Variants in TMEM184A observed in about 807,000 individuals in gnomAD.
The protein encoded by TMEM184A is sexually dimorphic, expressed in male gonads 1.
A neutral mutation model predicts 39.5 loss-of-function variants in TMEM184A; 40 were observed. The ratio of observed to expected loss-of-function variants is 1.01; its 90% confidence interval spans 0.79 to 1.32. The LOEUF (loss-of-function observed/expected upper bound fraction) is 1.32, where lower values mean the gene tolerates loss of function less well. TMEM184A is among the 40% of genes most tolerant of loss of function. The probability of loss-of-function intolerance (pLI) is 0.00; values close to 1 mark genes in which losing one functional copy is unlikely to be tolerated. For synonymous variants in TMEM184A, 280 were observed against 252.3 expected (o/e 1.11, Z -1.04); for missense variants, 603 against 568.8 (o/e 1.06, Z -0.61).
chr7:1,548,943 C>G, intron 6 of TMEM184A: 1 of 641,550 alleles, frequency 1.6e-6, no homozygotes, highest in Non-Finnish European at 2.9e-6. Flanking sequence ...TGCTCCTCCT[C>G]GTCCCAGGAT....
At chr7:1,548,029 G>A (rs1338105418) in intron 7 of TMEM184A, 90 bp from the exon 8 acceptor site, 2 of 1,413,538 alleles carry the variant, frequency 1.4e-6, no homozygotes, top group Non-Finnish European at 1.9e-6. Context: ...TCCTCTGACG[G>A]GTGCTGTGAC....
intron 2 of TMEM184A, among the ~76,000 whole-genome samples, chr7:1,552,346 A>G (rs1784636074): frequency 6.6e-6 from 1 of 152,044 alleles, no homozygotes; most frequent in Non-Finnish European, 1.5e-5. Context: ...GATGTCTGAT[A>G]TGTGTGTTCG....
chr7:1,550,761 A>G (rs1382608896), intron 3 of TMEM184A, 56 bp downstream of exon 3: 16 of 1,593,350 alleles, frequency 1.0e-5, no homozygotes, highest in Middle Eastern at 1.8e-4. Flanking sequence ...GCGTGCACGC[A>G]GGCCCCGGGG....
At position 1,543,887 on chromosome 7, in the gene TMEM184A, C is replaced by CCT. The variant is rs1562551080; in HGVS notation, c.*3063_*3064dup. The stretch of plus-strand genomic sequence containing the variant: ...GGCTCAAGCAATCCACTCGCCTTGG[C>CCT]CTCCCCAAGTGCTGGAATTACAGGT... On this transcript the variant is annotated 3_prime_UTR_variant, in exon 9 of 9. Coordinates refer to ENST00000297477, the MANE Select transcript of TMEM184A (RefSeq NM_001097620.2). 1 of 152,232 alleles carries CCT rather than the reference C, an allele frequency of 6.6e-6. No homozygotes were observed. The highest frequency in any genetic ancestry group is 1.5e-5 in the Non-Finnish European group (1 of 68,082). 9.4% of individuals were successfully genotyped at this position (152,232 alleles called of 1,614,324 possible).
intron 2 of TMEM184A, among the ~76,000 whole-genome samples, chr7:1,552,132 C>G (rs1430283264): frequency 6.6e-6 from 1 of 151,962 alleles, no homozygotes; most frequent in Non-Finnish European, 1.5e-5. Flanking sequence ...TGTGCACCAC[C>G]TTGCCTGGCT....
At chr7:1,551,700 G>A (rs376665278) in intron 2 of TMEM184A, among the ~76,000 whole-genome samples, 1 of 152,076 alleles carries the variant, frequency 6.6e-6, no homozygotes. Flanking sequence ...ACTTTGGGAG[G>A]CCGAGGTGGG....
chr7:1,546,946 G>GCC lies in TMEM184A; in HGVS notation c.*4_*5dup. 6.5e-7 allele frequency: 1 copy of GCC among 1,540,990 alleles called. No individual in the cohort carries two copies. Among genetic ancestry groups the GCC allele is most frequent in the South Asian group, 1.2e-5 (1 of 82,656 alleles). The stretch of plus-strand genomic sequence containing the variant: ...GGTCCCTACAGCACTGGCAGCCCAG[G>GCC]CCCCCCTACAGGTCCTCCGAGGGGA... On this transcript the variant is annotated 3_prime_UTR_variant, in exon 9 of 9. Transcript: ENST00000297477.
chr7:1,550,045 T>A, intron 5 of TMEM184A, 78 bp downstream of exon 5: 1 of 1,292,434 alleles, frequency 7.7e-7, no homozygotes, highest in Non-Finnish European at 1.0e-6. Flanking sequence ...TGACACTGGG[T>A]GGGGTGGCGC....
At position 1,546,746 on chromosome 7, in the gene TMEM184A, G is replaced by A; in HGVS notation, c.*206C>T. ...GGCTCAGGTGCCCTCTCCTGCGGTG[G>A]CGGGCCCACCTGGGTGCCTGCCAGG... On this transcript the variant is annotated 3_prime_UTR_variant, in exon 9 of 9. Transcript: ENST00000297477. 7.6e-6 allele frequency: 4 copies of A among 525,992 alleles called. No homozygotes were observed. The South Asian group carries it at 1.1e-4, about 15-fold the overall frequency. 32.6% of individuals were successfully genotyped at this position (525,992 alleles called of 1,614,324 possible).
Position 1,549,732 on chromosome 7 carries a change from C to T in TMEM184A, c.644+122G>A, listed in dbSNP as rs946388828. The T allele has an allele frequency of 3.6e-5, 32 of 900,446 alleles. No homozygotes were observed. The Admixed American group carries it at 4.1e-4, about 12-fold the overall frequency. 55.8% of individuals were successfully genotyped at this position (900,446 alleles called of 1,614,324 possible). A position where few individuals can be genotyped will look rare whatever the true frequency, so the allele number is the denominator to read the frequency against. On this transcript the variant is annotated intron_variant, in intron 6 of 8. Transcript: ENST00000297477. ...GTGCCCACCTCATGCCAGGTGCCCCCGCAGCTCCCACCTTACTTGAGCCCA... is the reference window on the plus strand; with the variant it reads ...GTGCCCACCTCATGCCAGGTGCCCCTGCAGCTCCCACCTTACTTGAGCCCA...
At chr7:1,554,266 C>T (rs940381462) in intron 2 of TMEM184A, among the ~76,000 whole-genome samples, 3 of 152,128 alleles carry the variant, frequency 2.0e-5, no homozygotes, top group African/African-American at 7.2e-5. Flanking sequence ...TGAGATGCTC[C>T]CTCGGAGACT....
intron 6 of TMEM184A, chr7:1,548,951 G>C (rs566851394): frequency 1.6e-6 from 1 of 632,904 alleles, no homozygotes; most frequent in African/African-American, 1.8e-5. Context: ...CTCGTCCCAG[G>C]ATCCTGTCCA....
In TMEM184A at chr7:1,547,939, C is replaced by T; in HGVS notation, c.815G>A (p.Gly272Glu). 6.4e-7 allele frequency: 1 copy of T among 1,564,296 alleles called. No individual in the cohort carries two copies. The highest frequency in any genetic ancestry group is 1.2e-5 in the South Asian group (1 of 85,594). Residue 272 changes from glycine to glutamate, a missense_variant and splice_region_variant, in exon 8 of 9, where the codon GGG (glycine) becomes GAG (glutamate). By Grantham distance (98) the Gly-to-Glu change is moderately conservative. Transcript: ENST00000297477. ...KAVIFLSFWQGLLLAILERCG... is the reference protein window; with the variant it reads ...KAVIFLSFWQELLLAILERCG... ...CCGCTCCAGGATGGCCAGCAGCAGC[C>T]CTGCGGACGCCACGGCCGCTCAGCC...
At position 1,550,145 on chromosome 7, in the gene TMEM184A, C is replaced by G; in HGVS notation, c.530G>C (p.Gly177Ala). The change falls in exon 5 of 9, where the codon GGG (glycine) becomes GCG (alanine). Residue 177 changes from glycine to alanine, a missense_variant. Transcript: ENST00000297477. ...CACCTGCTTACAGAAGCGCAGGAACCCGATGGAGTAGGTCATGCCCCGGAG... is the reference window on the plus strand; with the variant it reads ...CACCTGCTTACAGAAGCGCAGGAACGCGATGGAGTAGGTCATGCCCCGGAG... ...CCLRGMTYSI[G>A]FLRFCKQATL... The G allele has an allele frequency of 1.9e-6, 3 of 1,607,154 alleles. No homozygotes were observed. The highest frequency in any genetic ancestry group is 1.7e-6 in the Non-Finnish European group (2 of 1,177,676).
chr7:1,550,033 C>G, intron 5 of TMEM184A, 88 bp from the exon 6 acceptor site: 1 of 1,593,740 alleles, frequency 6.3e-7, no homozygotes, highest in Non-Finnish European at 8.6e-7. Context: ...TGAGCAGCCC[C>G]CTGACACTGG....
rs1425258807 is a variant in TMEM184A, at chr7:1,543,221, G to A, written c.*3731C>T. On this transcript the variant is annotated 3_prime_UTR_variant, in exon 9 of 9. Transcript: ENST00000297477. ...ACCGTGAGGCTGGGACAGCCACGGG[G>A]GAGGTGCTGGTCAGGTGACCACGTC... 2 of 152,432 alleles carry A rather than the reference G, an allele frequency of 1.3e-5. No individual in the cohort carries two copies. The highest frequency in any genetic ancestry group is 4.8e-5 in the African/African-American group (2 of 41,456). 9.4% of individuals were successfully genotyped at this position (152,432 alleles called of 1,614,324 possible). A position where few individuals can be genotyped will look rare whatever the true frequency, so the allele number is the denominator to read the frequency against.
chr7:1,549,214 G>A (rs1446883047), intron 6 of TMEM184A: 5 of 455,838 alleles, frequency 1.1e-5, no homozygotes, highest in Non-Finnish European at 1.8e-5. Context: ...TGTGCTGTGT[G>A]CATGTGTGAA....
intron 6 of TMEM184A, chr7:1,549,465 T>TGGGCGG (rs1447606029): frequency 2.2e-6 from 1 of 451,584 alleles, no homozygotes; most frequent in Non-Finnish European, 4.6e-6. Flanking sequence ...TGCTCAAGGC[T>TGGGCGG]GGGCGGGGGC....
intron 5 of TMEM184A, 85 bp from the exon 6 acceptor site, chr7:1,550,030 C>G: frequency 6.3e-7 from 1 of 1,590,324 alleles, no homozygotes; most frequent in Non-Finnish European, 8.6e-7. Flanking sequence ...CAATGAGCAG[C>G]CCCCTGACAC....
Sources: allele counts gnomAD v4.1 joint callset (sites outside exome capture counted in the v4.1 genomes callset), GRCh38; gene constraint gnomAD v4.1.1; transcripts MANE v1.5; gene names NCBI Gene and HGNC (gene_info 2026-07-23, HGNC 2026-07-21).